HSPA12B: variants seen among roughly 807,000 people sequenced by gnomAD.
The protein encoded by HSPA12B is heat shock protein family A (Hsp70) member 12B.
A neutral mutation model predicts 69.3 loss-of-function variants in HSPA12B; 54 were observed. The ratio of observed to expected loss-of-function variants is 0.78; its 90% CI spans 0.63 to 0.98. The LOEUF (loss-of-function observed/expected upper bound fraction) is 0.98, where lower values mean the gene tolerates loss of function less well. HSPA12B is among the 50% of genes least tolerant of loss of function. The pLI, the probability that HSPA12B is intolerant of heterozygous loss-of-function variation, is 0.00. For missense variants in HSPA12B, 929 were observed against 999.8 expected (o/e 0.93, Z 0.96); for synonymous variants, 441 against 436.5 (o/e 1.01, Z -0.13).
At chr20:3,748,175 A>G in intron 7 of HSPA12B, 42 bp from the exon 8 acceptor site, 1 of 1,459,180 alleles carries the variant, frequency 6.9e-7, no homozygotes, top group Non-Finnish European at 9.1e-7. Context: ...TAGGTGTGAC[A>G]GCCCACAGTG....
intron 1 of HSPA12B, among the ~76,000 whole-genome samples, 191 bp from the exon 2 acceptor site, chr20:3,738,467 G>A (rs148700228): frequency 3.9e-5 from 6 of 152,336 alleles, no homozygotes; most frequent in Admixed American, 1.3e-4. Flanking sequence ...ATGGTGTTGC[G>A]ATGACATTGT....
chr20:3,740,937 G>T lies in HSPA12B; in HGVS notation c.141+25G>T. On this transcript the variant is annotated intron_variant, in intron 3 of 12. Transcript: ENST00000254963. This position sits in a 1 kb window ranked among gnomAD's most constrained non-coding sequence, Gnocchi z 4.9. ...AGTAAGCCCAGAGCAGGGACCAGGT[G>T]GTGGGTGACCTGGCTGGTGTGGACA... 6.3e-7 allele frequency: 1 copy of T among 1,590,364 alleles called. No homozygotes were observed. Among genetic ancestry groups the T allele is most frequent in the Non-Finnish European group, 8.6e-7 (1 of 1,163,568 alleles).
chr20:3,733,348 C>T (rs894922451), intron 1 of HSPA12B, among the ~76,000 whole-genome samples: 3 of 151,948 alleles, frequency 2.0e-5, no homozygotes, highest in South Asian at 4.2e-4. Context: ...GTGAGGTTAG[C>T]GTGTGTTGAT....
Position 3,750,197 on chromosome 20 carries a change from A to G in HSPA12B, c.1271A>G (p.His424Arg). Residue 424 changes from histidine (H) to arginine (R), a missense_variant, in exon 11 of 13, where the codon CAC (histidine) becomes CGC (arginine). Around this residue, in one of 3 missense-constraint regions of HSPA12B, gnomAD observed 448 missense variants for 448.1 expected, o/e 1.00. Transcript: ENST00000254963. ...FIDFYRKQRG[H>R]NVETALRRSS... ...GACTTCTACCGCAAGCAGCGGGGCC[A>G]CAACGTGGAGACCGCTCTGCGCAGG... 6.2e-7 allele frequency: 1 copy of G among 1,608,274 alleles called. No homozygotes were observed. The highest frequency in any genetic ancestry group is 8.5e-7 in the Non-Finnish European group (1 of 1,176,806).
Position 3,751,905 on chromosome 20 carries a change from C to A in HSPA12B, c.1800C>A (p.Gly600=). ...GCAGCTACTGCCCGGCGCGTCCCGG[C>A]CAGCGGCGCGTACTCATCAACCTGT... ...VRRSYCPARP[G]QRRVLINLYC... The change falls in exon 13 of 13, where the codon GGC becomes GGA. Residue 600 remains glycine (G), a synonymous_variant. Coordinates refer to ENST00000254963, the MANE Select transcript of HSPA12B (RefSeq NM_052970.5). 1 of 1,574,628 alleles carries A rather than the reference C, an allele frequency of 6.4e-7. No homozygotes were observed. The highest frequency in any genetic ancestry group is 8.6e-7 in the Non-Finnish European group (1 of 1,165,962).
chr20:3,742,192 AGT>A, intron 3 of HSPA12B, 90 bp from the exon 4 acceptor site: 1 of 1,537,112 alleles, frequency 6.5e-7, no homozygotes, highest in Non-Finnish European at 8.8e-7. Flanking sequence ...AGTGGAGGGG[AGT>A]GTCTTCCCCA....
rs750180911 is a variant in HSPA12B, at chr20:3,744,050, G to A, written c.267-852G>A. Reference sequence around the variant, plus strand: ...AGGACCTTGGGACCTCAAGACCCCAGTCCTCTGAATATGTCCTAGAGGGTC... The same window carrying A: ...AGGACCTTGGGACCTCAAGACCCCAATCCTCTGAATATGTCCTAGAGGGTC... On this transcript the variant is annotated intron_variant, in intron 4 of 12. Coordinates refer to ENST00000254963, the MANE Select transcript of HSPA12B (RefSeq NM_052970.5). The surrounding 1 kb of genome is among the most constrained non-coding windows in gnomAD (Gnocchi z 4.9). Among the ~76,000 whole-genome samples the A allele has an allele frequency of 9.9e-5, 15 of 152,184 alleles. 1 individual carries two copies. The highest frequency in any genetic ancestry group is 2.1e-4 in the Non-Finnish European group (14 of 68,038).
intron 4 of HSPA12B, among the ~76,000 whole-genome samples, chr20:3,742,746 G>A (rs7273128): frequency 0.49 from 73,989 of 149,570 alleles, 20,318 homozygotes; most frequent in Non-Finnish European, 0.62. Flanking sequence ...CGCCTAGGCT[G>A]GAGTGCAAAG....
At position 3,737,296 on chromosome 20, in the gene HSPA12B, T is replaced by C. The variant is rs992649447; in HGVS notation, c.-17-1362T>C. On this transcript the variant is annotated intron_variant, in intron 1 of 12. Transcript: ENST00000254963. The surrounding 1 kb of genome is among the most constrained non-coding windows in gnomAD (Gnocchi z 4.1). ...CATAGACAGGATCGAGCCCCTCCCA[T>C]CTTAGAAAATAAATATTCTTCCTCA... Among the ~76,000 whole-genome samples, 8 of 152,104 alleles carry C rather than the reference T, an allele frequency of 5.3e-5. 1 individual carries two copies. Among genetic ancestry groups the C allele is most frequent in the African/African-American group, 1.7e-4 (7 of 41,398 alleles).
intron 1 of HSPA12B, among the ~76,000 whole-genome samples, chr20:3,733,717 C>T (rs571650018): frequency 6.6e-6 from 1 of 152,348 alleles, no homozygotes; most frequent in East Asian, 1.9e-4. Context: ...GCTTTGGGCC[C>T]TGGTTGGCCC....
chr20:3,751,624 G>C lies in HSPA12B; in HGVS notation c.1519G>C (p.Gly507Arg), dbSNP rs1443285463. The change falls in exon 13 of 13, where the codon GGT becomes CGT. Residue 507 changes from glycine (G) to arginine (R), a missense_variant. Coordinates refer to ENST00000254963, the MANE Select transcript of HSPA12B (RefSeq NM_052970.5). ...HAVQAALGAR[G>R]LRVVVPHDVG... ...GGTGCAGGCGGCGCTGGGCGCCCGC[G>C]GTCTGCGTGTCGTGGTCCCGCACGA... 3 of 1,528,368 alleles carry C rather than the reference G, an allele frequency of 2.0e-6. No individual in the cohort carries two copies. Among genetic ancestry groups the C allele is most frequent in the Middle Eastern group, 1.7e-4 (1 of 5,930 alleles). The allele number at this position is 1,528,368 out of a possible 1,614,324, so 94.7% of individuals were successfully genotyped here. A position where few individuals can be genotyped will look rare whatever the true frequency, so the allele number is the denominator to read the frequency against.
Position 3,750,194 on chromosome 20 carries a change from G to T in HSPA12B, c.1268G>T (p.Gly423Val). The T allele has an allele frequency of 6.2e-7, 1 of 1,608,734 alleles. No homozygotes were observed. Among genetic ancestry groups the T allele is most frequent in the Non-Finnish European group, 8.5e-7 (1 of 1,177,042 alleles). Residue 423 changes from glycine (G) to valine (V), a missense_variant, in exon 11 of 13, where the codon GGC becomes GTC. Coordinates refer to ENST00000254963, the MANE Select transcript of HSPA12B (RefSeq NM_052970.5). ...ATTGACTTCTACCGCAAGCAGCGGG[G>T]CCACAACGTGGAGACCGCTCTGCGC... ...SFIDFYRKQR[G>V]HNVETALRRS...
Position 3,745,634 on chromosome 20 carries a change from G to C in HSPA12B, c.558+37G>C, listed in dbSNP as rs924806686. ...CCCCACCTCTGCCGACTGTGGCAGG[G>C]ACCCCCTATTTTCCCCTCATCCGAA... On this transcript the variant is annotated intron_variant, in intron 6 of 12. Transcript: ENST00000254963. The surrounding 1 kb of genome is among the most constrained non-coding windows in gnomAD (Gnocchi z 5.6). The C allele has an allele frequency of 7.0e-6, 11 of 1,578,696 alleles. No homozygotes were observed. Among genetic ancestry groups the C allele is most frequent in the Non-Finnish European group, 9.6e-6 (11 of 1,148,880 alleles).
Position 3,740,446 on chromosome 20 carries a change from C to G in HSPA12B, c.44-369C>G, listed in dbSNP as rs184247651. Among the ~76,000 whole-genome samples, 243 of 152,212 alleles carry G rather than the reference C, an allele frequency of 1.6e-3. No individual in the cohort carries two copies. The highest frequency in any genetic ancestry group is 2.6e-3 in the Non-Finnish European group (180 of 67,980). ...GGGCTTCTCTCTCCTCTACTCCCTC[C>G]CAGGAGCTCACCTGCCCTATCTCCC... On this transcript the variant is annotated intron_variant, in intron 2 of 12. Coordinates refer to ENST00000254963, the MANE Select transcript of HSPA12B (RefSeq NM_052970.5). This position sits in a 1 kb window ranked among gnomAD's most constrained non-coding sequence, Gnocchi z 4.9.
intron 7 of HSPA12B, 72 bp downstream of exon 7, chr20:3,746,103 C>A: frequency 9.2e-7 from 1 of 1,086,186 alleles, no homozygotes; most frequent in Non-Finnish European, 1.4e-6. Context: ...TTGCATGCAC[C>A]CCACCACCCT....
At position 3,752,092 on chromosome 20, in the gene HSPA12B, G is replaced by A. The variant is rs2088437447; in HGVS notation, c.1987G>A (p.Glu663Lys). The A allele has an allele frequency of 1.3e-6, 2 of 1,517,554 alleles. No homozygotes were observed. The allele number at this position is 1,517,554 out of a possible 1,614,324, so 94.0% of individuals were successfully genotyped here. ...CGCCGCCATGCAGTTTGGCGACACC[G>A]AAATTAAGGTCACCGCCGTCGACGT... Reference protein sequence around the residue: ...IRAAMQFGDTEIKVTAVDVST... With the variant: ...IRAAMQFGDTKIKVTAVDVST... Residue 663 changes from glutamate (E) to lysine (K), a missense_variant, in exon 13 of 13, where the codon GAA (glutamate) becomes AAA (lysine). Transcript: ENST00000254963.
chr20:3,744,812 A>C lies in HSPA12B; in HGVS notation c.267-90A>C. The C allele has an allele frequency of 8.0e-7, 1 of 1,253,042 alleles. No individual in the cohort carries two copies. Among genetic ancestry groups the C allele is most frequent in the Non-Finnish European group, 1.1e-6 (1 of 889,160 alleles). The allele number at this position is 1,253,042 out of a possible 1,614,324, so 77.6% of individuals were successfully genotyped here. A position where few individuals can be genotyped will look rare whatever the true frequency, so the allele number is the denominator to read the frequency against. On this transcript the variant is annotated intron_variant, in intron 4 of 12. Coordinates refer to ENST00000254963, the MANE Select transcript of HSPA12B (RefSeq NM_052970.5). The surrounding 1 kb of genome is among the most constrained non-coding windows in gnomAD (Gnocchi z 4.9). ...CATAGCTAGTTCTCCCTGCTCTTTC[A>C]CATCTGTAAGTTTTTGCACATGCTG...
Position 3,748,361 on chromosome 20 carries a change from C to T in HSPA12B, c.820C>T (p.Arg274Cys), listed in dbSNP as rs371289095. The change falls in exon 8 of 13, where the codon CGC (arginine) becomes TGC (cysteine). Residue 274 changes from arginine to cysteine, a missense_variant. Physicochemically the swap from Arg to Cys is radical, Grantham distance 180. This residue lies in a region of HSPA12B where 477 missense variants were observed against 535.2 expected (regional missense o/e 0.89). Transcript: ENST00000254963. The stretch of plus-strand genomic sequence containing the variant: ...CCCAGGTGGTGGGCGCCTGGGTGAG[C>T]GCCGCTCCATCGACTCCAGCTTCCG... ...RAPGGGRLGERRSIDSSFRQA... is the reference protein window; with the variant it reads ...RAPGGGRLGECRSIDSSFRQA... 2.2e-5 allele frequency: 35 copies of T among 1,604,978 alleles called. No individual in the cohort carries two copies. Among genetic ancestry groups the T allele is most frequent in the African/African-American group, 2.7e-5 (2 of 74,544 alleles).
chr20:3,750,406 C>G (rs1364754995), intron 11 of HSPA12B, among the ~76,000 whole-genome samples, 179 bp downstream of exon 11: 3 of 152,302 alleles, frequency 2.0e-5, no homozygotes, highest in East Asian at 1.9e-4. Context: ...CCCAGCCCAG[C>G]AGGCTCCACC....
Sources: gnomAD v4.1 joint callset for allele counts (sites outside exome capture counted in the v4.1 genomes callset) on GRCh38, gnomAD v4.1.1 for gene constraint, gnomAD v4.1.1 regional missense constraint, Gnocchi (gnomAD v3.1) non-coding constraint, MANE v1.5 for transcripts, NCBI Gene and HGNC (gene_info 2026-07-23, HGNC 2026-07-21) for gene names.